The following ADAM19 variants were observed in gnomAD, a reference collection of about 807,000 sequenced individuals.
ADAM19 encodes the protein disintegrin and metalloproteinase domain-containing protein 19.
ADAM19 carries 65 observed loss-of-function variants against 114.7 expected under a neutral mutation model. The observed-to-expected ratio is 0.57, with a 90% CI of 0.46 to 0.70. The LOEUF (loss-of-function observed/expected upper bound fraction) is 0.70. ADAM19 is among the 30% of genes least tolerant of loss of function. The probability of loss-of-function intolerance (pLI) is 0.00; values close to 1 mark genes in which losing one functional copy is unlikely to be tolerated. For missense variants in ADAM19, 1,063 were observed against 1,204.7 expected, an observed-to-expected ratio of 0.88 and a Z score of 1.74; for synonymous variants, 466 against 460.5, an observed-to-expected ratio of 1.01 and a Z score of -0.15.
chr5:157,523,815 A>G (rs1312475951), intron 5 of ADAM19, among the ~76,000 whole-genome samples: 5 of 152,224 alleles, frequency 3.3e-5, no homozygotes, highest in Non-Finnish European at 7.3e-5. Context: ...CTGCCTAGCC[A>G]CACTCAGGAA....
intron 3 of ADAM19, among the ~76,000 whole-genome samples, chr5:157,561,095 T>C (rs978731255): frequency 2.0e-5 from 3 of 152,198 alleles, no homozygotes; most frequent in Admixed American, 2.0e-4. Context: ...GCTCAGATTA[T>C]CCCTAAAGGG....
intron 5 of ADAM19, among the ~76,000 whole-genome samples, chr5:157,521,780 T>G (rs537987460): frequency 1.3e-5 from 2 of 152,340 alleles, no homozygotes; most frequent in South Asian, 4.1e-4. Flanking sequence ...AGGAGAGAGC[T>G]GCTGCACGCA....
chr5:157,520,882 T>C (rs901811948), intron 5 of ADAM19, among the ~76,000 whole-genome samples: 8 of 152,208 alleles, frequency 5.3e-5, no homozygotes, highest in Non-Finnish European at 1.0e-4. Context: ...AATCTAGACA[T>C]AATCCTTGTC....
chr5:157,489,188 T>G lies in ADAM19; in HGVS notation c.2241-2A>C. On this transcript the variant is annotated splice_acceptor_variant, in intron 19 of 22. Transcript: ENST00000257527. LOFTEE classifies it high-confidence loss of function. Reference sequence around the variant, plus strand: ...TTCTGAGAAACCCTGAAGGGACAACTAGAAACAAGAAATGGGGGAGGAAAA... The same window carrying G: ...TTCTGAGAAACCCTGAAGGGACAACGAGAAACAAGAAATGGGGGAGGAAAA... 6.2e-7 allele frequency: 1 copy of G among 1,611,362 alleles called. No homozygotes were observed. Among genetic ancestry groups the G allele is most frequent in the Non-Finnish European group, 8.5e-7 (1 of 1,177,678 alleles).
rs536415750 is a variant in ADAM19, at chr5:157,480,025, G to A, written c.*924C>T. On this transcript the variant is annotated 3_prime_UTR_variant, in exon 23 of 23. Transcript: ENST00000257527. The stretch of plus-strand genomic sequence containing the variant: ...TGAGAGCCAGTGAGGGAAATCCAGT[G>A]GCCGACTGTGAGAGAGGACTCTGAC... 2 of 985,938 alleles carry A rather than the reference G, an allele frequency of 2.0e-6. No homozygotes were observed. Among genetic ancestry groups the A allele is most frequent in the South Asian group, 9.4e-5 (2 of 21,286 alleles). The allele number at this position is 985,938 out of a possible 1,614,324, so 61.1% of individuals were successfully genotyped here.
intron 3 of ADAM19, among the ~76,000 whole-genome samples, chr5:157,541,647 C>T (rs1163470118): frequency 6.6e-6 from 1 of 152,138 alleles, no homozygotes; most frequent in Non-Finnish European, 1.5e-5. Context: ...GGAACCTGTA[C>T]AAGCAGCCAG....
rs1755229101 is a variant in ADAM19, at chr5:157,493,078, C to T, written c.1803G>A (p.Arg601=). Residue 601 remains arginine, a synonymous_variant, in exon 16 of 23, where the codon AGG becomes AGA. Transcript: ENST00000257527. ...PIDTTIIMNG[R]QIQCRGTHVY... ...CGTGGGTGCCCCGGCACTGGATCTG[C>T]CTCCCATTCATGATGATAGTGGTGT... 3 of 1,614,232 alleles carry T rather than the reference C, an allele frequency of 1.9e-6. No individual in the cohort carries two copies. Among genetic ancestry groups the T allele is most frequent in the South Asian group, 1.1e-5 (1 of 91,090 alleles).
intron 3 of ADAM19, among the ~76,000 whole-genome samples, chr5:157,550,015 C>T (rs1006038263): frequency 6.6e-6 from 1 of 152,216 alleles, no homozygotes; most frequent in Non-Finnish European, 1.5e-5. Flanking sequence ...ATTGTATAAT[C>T]CCATTTACAT....
At chr5:157,501,862 A>T (rs1213397517) in intron 12 of ADAM19, among the ~76,000 whole-genome samples, 3 of 152,068 alleles carry the variant, frequency 2.0e-5, no homozygotes, top group African/African-American at 7.2e-5. Context: ...CAGCCTGGTC[A>T]ATGTAGCAAA....
chr5:157,489,279 G>A (rs1335964378), intron 19 of ADAM19, 93 bp from the exon 20 acceptor site: 2 of 884,216 alleles, frequency 2.3e-6, no homozygotes, highest in East Asian at 5.0e-5. Context: ...CGGCCAGCAA[G>A]CAGCTAAATC....
At chr5:157,570,127 G>A (rs1379584893) in intron 2 of ADAM19, among the ~76,000 whole-genome samples, 1 of 152,158 alleles carries the variant, frequency 6.6e-6, no homozygotes, top group Non-Finnish European at 1.5e-5. Context: ...TGGCTTCGCA[G>A]CACACACATG....
Position 157,478,438 on chromosome 5 carries a change from G to A in ADAM19, c.*2511C>T, listed in dbSNP as rs1039722985. On this transcript the variant is annotated 3_prime_UTR_variant, in exon 23 of 23. Transcript: ENST00000257527. ...TGCAGATCTTGCCATCGGTCGGTCT[G>A]AGCCTTTTCACTATTCCCATAAGGC... 1 of 433,828 alleles carries A rather than the reference G, an allele frequency of 2.3e-6. No individual in the cohort carries two copies. Among genetic ancestry groups the A allele is most frequent in the African/African-American group, 2.1e-5 (1 of 46,540 alleles). The allele number at this position is 433,828 out of a possible 1,614,324, so 26.9% of individuals were successfully genotyped here. A position where few individuals can be genotyped will look rare whatever the true frequency, so the allele number is the denominator to read the frequency against.
intron 7 of ADAM19, among the ~76,000 whole-genome samples, chr5:157,514,349 G>C: frequency 7.1e-6 from 1 of 141,692 alleles, no homozygotes; most frequent in South Asian, 2.2e-4. Flanking sequence ...TTTTTTTTGA[G>C]ACAGAGTCTC....
intron 9 of ADAM19, among the ~76,000 whole-genome samples, chr5:157,507,715 A>G (rs1459667130): frequency 6.6e-6 from 1 of 152,226 alleles, no homozygotes; most frequent in African/African-American, 2.4e-5. Context: ...AGTTGGATGC[A>G]AGAATGAGCT....
intron 3 of ADAM19, among the ~76,000 whole-genome samples, chr5:157,564,106 C>T (rs181060268): frequency 1.3e-5 from 2 of 152,368 alleles, no homozygotes; most frequent in Admixed American, 1.3e-4. Flanking sequence ...CATACACAGA[C>T]CTCTGTGTGC....
intron 9 of ADAM19, among the ~76,000 whole-genome samples, chr5:157,507,995 G>A (rs1009955281): frequency 4.6e-5 from 7 of 152,204 alleles, no homozygotes; most frequent in Non-Finnish European, 8.8e-5. Context: ...TTTTGGGATC[G>A]TAGAACCTAG....
intron 5 of ADAM19, among the ~76,000 whole-genome samples, chr5:157,525,383 T>G (rs1179825689): frequency 6.6e-6 from 1 of 152,150 alleles, no homozygotes; most frequent in Non-Finnish European, 1.5e-5. Flanking sequence ...CCTCTCTGCA[T>G]CCCAGGACTT....
intron 19 of ADAM19, 50 bp downstream of exon 19, chr5:157,490,260 C>G (rs767653523): frequency 6.2e-7 from 1 of 1,606,628 alleles, no homozygotes; most frequent in African/African-American, 1.3e-5. Context: ...TTATGGAGAC[C>G]TTTGTGACCC....
At chr5:157,491,536 G>C in intron 18 of ADAM19, 79 bp downstream of exon 18, 1 of 987,734 alleles carries the variant, frequency 1.0e-6, no homozygotes, top group Non-Finnish European at 1.5e-6. Context: ...CAATGTGGAT[G>C]CTCTGCAACA....
Sources: gnomAD v4.1 joint callset for allele counts (sites outside exome capture counted in the v4.1 genomes callset) on GRCh38, gnomAD v4.1.1 for gene constraint, MANE v1.5 for transcripts, NCBI Gene and HGNC (gene_info 2026-07-23, HGNC 2026-07-21) for gene names.